GABRA3: variants seen among roughly 807,000 people sequenced by gnomAD.
GABRA3 encodes gamma-aminobutyric acid receptor subunit alpha-3.
Under a neutral mutation model 30.1 loss-of-function variants are expected in GABRA3, and 10 were observed. That is an observed-to-expected ratio of 0.33 (90% CI 0.20 to 0.56). The LOEUF (loss-of-function observed/expected upper bound fraction) is 0.56. Ranked by LOEUF, GABRA3 falls within the 20% of genes least tolerant of loss-of-function variation. The pLI is 0.89. For synonymous variants in GABRA3, 151 were observed against 146.8 expected (o/e 1.03, Z -0.21); for missense variants, 233 against 392.0 (o/e 0.59, Z 3.42).
At chrX:152,374,968 T>C (rs932651815) in intron 1 of GABRA3, among the ~76,000 whole-genome samples, 2 of 111,483 alleles carry the variant, frequency 1.8e-5, no homozygotes, top group African/African-American at 6.5e-5. Flanking sequence ...GTCTTTTTCC[T>C]GAGTTCTCTT....
At chrX:152,288,530 G>T (rs1438915122) in intron 3 of GABRA3, among the ~76,000 whole-genome samples, 1 of 112,290 alleles carries the variant, frequency 8.9e-6, no homozygotes, top group East Asian at 2.8e-4. Context: ...CTATTTCTGA[G>T]AATAGATCAC....
chrX:152,357,181 A>G (rs1465770059), intron 2 of GABRA3, among the ~76,000 whole-genome samples: 1 of 111,811 alleles, frequency 8.9e-6, no homozygotes. Flanking sequence ...ACTTTCCACA[A>G]TGGCTGAACT....
At chrX:152,214,880 A>C (rs1173689527) in intron 6 of GABRA3, among the ~76,000 whole-genome samples, 2 of 109,313 alleles carry the variant, frequency 1.8e-5, no homozygotes, top group Non-Finnish European at 3.8e-5. Flanking sequence ...CACTATTGGC[A>C]TATAGAAATG....
chrX:152,180,715 A>C (rs1937134399), intron 9 of GABRA3, among the ~76,000 whole-genome samples: 1 of 111,974 alleles, frequency 8.9e-6, no homozygotes, highest in Admixed American at 9.5e-5. Context: ...TGACCTTTGC[A>C]TATGGTGTGA....
At chrX:152,297,448 C>A (rs1335062807) in intron 3 of GABRA3, among the ~76,000 whole-genome samples, 2 of 112,141 alleles carry the variant, frequency 1.8e-5, no homozygotes, top group Non-Finnish European at 3.8e-5. Flanking sequence ...ATTGTCAATT[C>A]AAATGATTTC....
At chrX:152,226,895 G>C (rs1486576205) in intron 5 of GABRA3, among the ~76,000 whole-genome samples, 1 of 111,810 alleles carries the variant, frequency 8.9e-6, no homozygotes, top group Non-Finnish European at 1.9e-5. Flanking sequence ...AGGTACTGGA[G>C]AGGATGTGGA....
chrX:152,170,099 C>T (rs1243891477), intron 9 of GABRA3, among the ~76,000 whole-genome samples: 1 of 112,187 alleles, frequency 8.9e-6, no homozygotes, highest in African/African-American at 3.2e-5. Flanking sequence ...GGAGCTCACA[C>T]TCGGGTGTGG....
At chrX:152,332,854 A>T (rs1486119076) in intron 3 of GABRA3, among the ~76,000 whole-genome samples, 2 of 112,380 alleles carry the variant, frequency 1.8e-5, no homozygotes, top group South Asian at 3.6e-4. Context: ...TTCTCATTTT[A>T]AAATTTTATG....
Position 152,259,128 on chromosome X carries a change from C to T in GABRA3, c.331-3130G>A, listed in dbSNP as rs186738673. Among the ~76,000 whole-genome samples the T allele has an allele frequency of 1.5e-4, 17 of 111,806 alleles. No homozygotes were observed. The East Asian group carries it at 4.5e-3, about 30-fold the overall frequency. ...AGTGCTGCCCTGTTACAACAGAAAG[C>T]AAAACCAGACCAAACTTAGCTGATG... On this transcript the variant is annotated intron_variant, in intron 4 of 9. Transcript: ENST00000370314.
chrX:152,249,978 G>T (rs986711726), intron 5 of GABRA3, among the ~76,000 whole-genome samples: 1 of 110,891 alleles, frequency 9.0e-6, no homozygotes, highest in African/African-American at 3.3e-5. Flanking sequence ...GTCTCACAAA[G>T]AAGCATGGAT....
At chrX:152,381,552 CT>C (rs1473705632) in intron 1 of GABRA3, among the ~76,000 whole-genome samples, 1 of 111,380 alleles carries the variant, frequency 9.0e-6, no homozygotes, top group Non-Finnish European at 1.9e-5. Context: ...CATATTGATA[CT>C]TGTTTCTTTT....
intron 3 of GABRA3, among the ~76,000 whole-genome samples, chrX:152,296,118 C>T (rs762598160): frequency 1.8e-5 from 2 of 112,270 alleles, no homozygotes; most frequent in African/African-American, 6.5e-5. Context: ...AGAACAAAGT[C>T]ATGAGTTTCC....
At chrX:152,450,170 C>T (rs140410454) in intron 1 of GABRA3, among the ~76,000 whole-genome samples, 157 of 110,242 alleles carry the variant, frequency 1.4e-3, no homozygotes, top group African/African-American at 5.1e-3. Flanking sequence ...CTCAATAAGC[C>T]AAACTACTCA....
intron 1 of GABRA3, among the ~76,000 whole-genome samples, chrX:152,429,075 T>C (rs890703310): frequency 9.0e-6 from 1 of 110,716 alleles, no homozygotes; most frequent in Non-Finnish European, 1.9e-5. Flanking sequence ...TATGAAAGAA[T>C]TGAATTAAAA....
At chrX:152,448,082 A>T (rs1046177059) in intron 1 of GABRA3, among the ~76,000 whole-genome samples, 1 of 112,454 alleles carries the variant, frequency 8.9e-6, no homozygotes, top group Non-Finnish European at 1.9e-5. Context: ...TACTAAATTA[A>T]CAGTCTTCTG....
At chrX:152,241,918 T>G (rs963906881) in intron 5 of GABRA3, among the ~76,000 whole-genome samples, 7 of 111,547 alleles carry the variant, frequency 6.3e-5, no homozygotes, top group Admixed American at 9.4e-5. Context: ...ACTCCCTAGT[T>G]AGATAAACCC....
intron 4 of GABRA3, among the ~76,000 whole-genome samples, chrX:152,272,384 G>T (rs757132232): frequency 8.9e-6 from 1 of 112,471 alleles, no homozygotes; most frequent in South Asian, 3.7e-4. Flanking sequence ...TTTTGGACAC[G>T]CATGGGGCCT....
At chrX:152,419,522 C>T (rs1361429839) in intron 1 of GABRA3, among the ~76,000 whole-genome samples, 1 of 110,518 alleles carries the variant, frequency 9.0e-6, no homozygotes, top group African/African-American at 3.3e-5. Flanking sequence ...TTTAGAAAAA[C>T]GTATTTCTTT....
chrX:152,369,135 A>G (rs765150239), intron 1 of GABRA3, among the ~76,000 whole-genome samples: 13 of 111,224 alleles, frequency 1.2e-4, no homozygotes, highest in African/African-American at 4.2e-4. Context: ...TCTTTTTGAT[A>G]ATGCCCAGTC....
Sources: allele counts gnomAD v4.1 joint callset (sites outside exome capture counted in the v4.1 genomes callset), GRCh38; gene constraint gnomAD v4.1.1; transcripts MANE v1.5; gene names NCBI Gene and HGNC (gene_info 2026-07-23, HGNC 2026-07-21).